RAB3IP: variants seen among roughly 807,000 people sequenced by gnomAD.
RAB3IP encodes the protein RAB3A interacting protein.
Under a neutral mutation model 59.1 loss-of-function variants are expected in RAB3IP, and 36 were observed. The observed-to-expected ratio is 0.61, with a 90% confidence interval of 0.47 to 0.80. The LOEUF is 0.80. Among genes scored for constraint, RAB3IP ranks in the 30% least tolerant of loss-of-function variants. RAB3IP has a pLI of 0.00. For missense variants in RAB3IP, 511 were observed against 536.0 expected, an observed-to-expected ratio of 0.95 and a Z score of 0.46; for synonymous variants, 207 against 191.2, an observed-to-expected ratio of 1.08 and a Z score of -0.68.
intron 1 of RAB3IP, among the ~76,000 whole-genome samples, chr12:69,751,327 G>A (rs1482771460): frequency 6.6e-6 from 1 of 152,016 alleles, no homozygotes; most frequent in Non-Finnish European, 1.5e-5. Flanking sequence ...GATGTTCCAG[G>A]GTCCTTTCGT....
At position 69,817,204 on chromosome 12, in the gene RAB3IP, G is replaced by A. The variant is rs985286690; in HGVS notation, c.*1758G>A. 1 of 152,034 alleles carries A rather than the reference G, an allele frequency of 6.6e-6. No individual in the cohort carries two copies. The highest frequency in any genetic ancestry group is 1.5e-5 in the Non-Finnish European group (1 of 67,982). 9.4% of individuals were successfully genotyped at this position (152,034 alleles called of 1,614,324 possible). ...CTTAAAAAGGATAAATAAAAAGTAA[G>A]ACTAAAGAAAATCAGTATACCCATT... On this transcript the variant is annotated 3_prime_UTR_variant, in exon 11 of 11. Transcript: ENST00000247833.
intron 6 of RAB3IP, among the ~76,000 whole-genome samples, chr12:69,796,963 TAACC>T (rs1877525954): frequency 6.6e-6 from 1 of 152,236 alleles, no homozygotes; most frequent in African/African-American, 2.4e-5. Flanking sequence ...TTCAAAATAA[TAACC>T]TTTGCTCTTC....
At chr12:69,779,876 G>A (rs1586984) in intron 3 of RAB3IP, among the ~76,000 whole-genome samples, 132,903 of 152,130 alleles carry the variant, frequency 0.87, 58,390 homozygotes, top group Admixed American at 0.93. Flanking sequence ...TGAGGTCATA[G>A]TTCCCTGATT....
intron 8 of RAB3IP, 30 bp from the exon 9 acceptor site, chr12:69,812,747 CA>C (rs1880626524): frequency 6.6e-7 from 1 of 1,514,510 alleles, no homozygotes; most frequent in African/African-American, 1.4e-5. Flanking sequence ...CTTTTCATTT[CA>C]AAAAACTGAA....
At chr12:69,782,721 A>G (rs551336573) in intron 3 of RAB3IP, among the ~76,000 whole-genome samples, 1 of 152,082 alleles carries the variant, frequency 6.6e-6, no homozygotes, top group East Asian at 1.9e-4. Context: ...CATTCTCTTG[A>G]TATTCCCATC....
intron 8 of RAB3IP, among the ~76,000 whole-genome samples, chr12:69,809,883 C>T (rs1442321964): frequency 1.3e-5 from 2 of 152,160 alleles, no homozygotes; most frequent in African/African-American, 2.4e-5. Context: ...CTTCTGAAGC[C>T]TTTCTCTCTC....
chr12:69,794,341 G>T (rs796409873), intron 4 of RAB3IP, 96 bp from the exon 5 acceptor site: 4 of 925,428 alleles, frequency 4.3e-6, no homozygotes, highest in Non-Finnish European at 6.8e-6. Flanking sequence ...CTAACTTTTG[G>T]TAGTATATCT....
At chr12:69,798,862 A>G (rs1216474368) in intron 6 of RAB3IP, among the ~76,000 whole-genome samples, 1 of 152,182 alleles carries the variant, frequency 6.6e-6, no homozygotes, top group Non-Finnish European at 1.5e-5. Context: ...TATGTTGGGA[A>G]CAAATACATT....
intron 3 of RAB3IP, among the ~76,000 whole-genome samples, chr12:69,768,542 C>T (rs1872601531): frequency 6.6e-6 from 1 of 152,120 alleles, no homozygotes; most frequent in African/African-American, 2.4e-5. Flanking sequence ...GGTGGGTGCT[C>T]TGAATGCCTG....
chr12:69,808,236 T>C (rs904141142), intron 8 of RAB3IP, among the ~76,000 whole-genome samples: 19 of 152,360 alleles, frequency 1.2e-4, no homozygotes, highest in African/African-American at 4.6e-4. Flanking sequence ...TCTAGTTTGA[T>C]TGCACTGTGG....
At chr12:69,781,630 T>C (rs1874728666) in intron 3 of RAB3IP, among the ~76,000 whole-genome samples, 1 of 152,240 alleles carries the variant, frequency 6.6e-6, no homozygotes, top group Non-Finnish European at 1.5e-5. Context: ...ATATAGTGTG[T>C]AGCCTTTTCA....
chr12:69,814,905 C>T (rs1880958677), intron 10 of RAB3IP, among the ~76,000 whole-genome samples: 1 of 152,162 alleles, frequency 6.6e-6, no homozygotes, highest in African/African-American at 2.4e-5. Context: ...CTTCTCACAA[C>T]GTTACTGAGT....
chr12:69,770,218 T>G (rs1872877053), intron 3 of RAB3IP, among the ~76,000 whole-genome samples: 1 of 152,184 alleles, frequency 6.6e-6, no homozygotes, highest in African/African-American at 2.4e-5. Flanking sequence ...GAAATACACT[T>G]GATTATAGAG....
chr12:69,810,162 A>G (rs1440392964), intron 8 of RAB3IP, among the ~76,000 whole-genome samples: 1 of 152,082 alleles, frequency 6.6e-6, no homozygotes, highest in Non-Finnish European at 1.5e-5. Context: ...CTGGAGGTCC[A>G]CTCCGGACCC....
At position 69,796,509 on chromosome 12, in the gene RAB3IP, A is replaced by G. The variant is rs1877456612; in HGVS notation, c.888+1165A>G. 4.5e-6 allele frequency: 2 copies of G among 449,012 alleles called. 1 individual carries two copies. The highest frequency in any genetic ancestry group is 1.1e-4 in the South Asian group (2 of 18,872). The allele number at this position is 449,012 out of a possible 1,614,324, so 27.8% of individuals were successfully genotyped here. ...CTTTTACATTGTTAAATTCAAGTCC[A>G]TCATTAATCTTGAAGAAATGTGTGT... On this transcript the variant is annotated intron_variant, in intron 6 of 10. Coordinates refer to ENST00000247833, the MANE Select transcript of RAB3IP (RefSeq NM_022456.5).
At position 69,755,687 on chromosome 12, in the gene RAB3IP, AT is replaced by A. The variant is rs751947854; in HGVS notation, c.251+36del. 9.0e-6 allele frequency: 14 copies of A among 1,563,890 alleles called. No individual in the cohort carries two copies. The Admixed American group carries it at 9.1e-5, about 10-fold the overall frequency. ...AGGAAATAAGTAAATCACTTATTTGATTTTTTTTAAAATGGACAGTTTGCTT... is the reference window on the plus strand; with the variant it reads ...AGGAAATAAGTAAATCACTTATTTGATTTTTTTAAAATGGACAGTTTGCTT... On this transcript the variant is annotated intron_variant, in intron 2 of 10. Transcript: ENST00000247833.
chr12:69,779,713 T>C (rs1204298782), intron 3 of RAB3IP, among the ~76,000 whole-genome samples: 4 of 151,522 alleles, frequency 2.6e-5, no homozygotes, highest in African/African-American at 4.8e-5. Flanking sequence ...GCGTCTCTCT[T>C]AAATTTTTCT....
intron 1 of RAB3IP, among the ~76,000 whole-genome samples, chr12:69,748,443 A>G (rs1280900599): frequency 6.6e-6 from 1 of 152,240 alleles, no homozygotes; most frequent in African/African-American, 2.4e-5. Flanking sequence ...ACTATCTGAC[A>G]ACATAGTTAA....
intron 6 of RAB3IP, 94 bp downstream of exon 6, chr12:69,795,438 T>C: frequency 1.0e-6 from 1 of 982,472 alleles, no homozygotes; most frequent in Non-Finnish European, 1.6e-6. Context: ...GCAAAATTTT[T>C]AGTACAAAAT....
Sources: allele counts gnomAD v4.1 joint callset (sites outside exome capture counted in the v4.1 genomes callset), GRCh38; gene constraint gnomAD v4.1.1; transcripts MANE v1.5; gene names NCBI Gene and HGNC (gene_info 2026-07-23, HGNC 2026-07-21).